Variants in GLI2 observed in about 807,000 individuals in gnomAD.
The protein encoded by GLI2 is transcription activator GLI2.
Under a neutral mutation model 78.9 loss-of-function variants are expected in GLI2, and 22 were observed. The ratio of observed to expected loss-of-function variants is 0.28; its 90% CI spans 0.20 to 0.40. The LOEUF is 0.40. Ranked by LOEUF, GLI2 falls within the 10% of genes least tolerant of loss-of-function variation. The probability of loss-of-function intolerance (pLI) is 1.00; values close to 1 mark genes in which losing one functional copy is unlikely to be tolerated. For missense variants in GLI2, 2,097 were observed against 2,213.2 expected, an observed-to-expected ratio of 0.95 and a Z score of 1.05; for synonymous variants, 974 against 963.7, an observed-to-expected ratio of 1.01 and a Z score of -0.20.
chr2:120,989,237 G>A lies in GLI2; in HGVS notation c.3272G>A (p.Arg1091His). ...CCCAGCCCGGGGCTGCACGGCCAGC[G>A]CAGGATGGTGGCTGCGGACTCCAAC... ...RLPSPGLHGQRRMVAADSNVG... is the reference protein window; with the variant it reads ...RLPSPGLHGQHRMVAADSNVG... Residue 1091 changes from arginine (R) to histidine (H), a missense_variant, in exon 14 of 14, where the codon CGC becomes CAC. Around this residue, in one of 5 missense-constraint regions of GLI2, gnomAD observed 1,290 missense variants for 1,261.7 expected, o/e 1.02. Transcript: ENST00000361492. The A allele has an allele frequency of 6.2e-7, 1 of 1,613,162 alleles. No homozygotes were observed. Among genetic ancestry groups the A allele is most frequent in the Non-Finnish European group, 8.5e-7 (1 of 1,180,030 alleles).
rs144722106 is a variant in GLI2 at position 120,957,946 on chromosome 2, T to A, written c.643+2516T>A. On this transcript the variant is annotated intron_variant, in intron 5 of 13. Coordinates refer to ENST00000361492, the MANE Select transcript of GLI2 (RefSeq NM_001374353.1). ...CAGCACCATCTGCCCTTCCCTGGGC[T>A]GCAGTTTTCAGCAGCACATGCACCT... 2.6e-5 allele frequency among the ~76,000 whole-genome samples: 4 copies of A among 152,342 alleles called. No individual in the cohort carries two copies. The East Asian group carries it at 7.7e-4, about 29-fold the overall frequency.
intron 1 of GLI2, among the ~76,000 whole-genome samples, chr2:120,741,328 T>C (rs906905535): frequency 2.6e-5 from 4 of 152,114 alleles, no homozygotes; most frequent in African/African-American, 9.7e-5. Context: ...ACCTCTATTG[T>C]ACACATGTCC....
chr2:120,960,324 T>C (rs1259560983), intron 5 of GLI2, among the ~76,000 whole-genome samples: 1 of 152,050 alleles, frequency 6.6e-6, no homozygotes, highest in Non-Finnish European at 1.5e-5. Context: ...GAGAGAACTT[T>C]CCAGAGGTTT....
At position 120,845,678 on chromosome 2, in the gene GLI2, C is replaced by T. The variant is rs149767630; in HGVS notation, c.148+48210C>T. ...TGGCTCATTCTACCACTAATGAACTCGGGACACTGCCTGGACTCTTTCCTG... is the reference window on the plus strand; with the variant it reads ...TGGCTCATTCTACCACTAATGAACTTGGGACACTGCCTGGACTCTTTCCTG... On this transcript the variant is annotated intron_variant, in intron 2 of 13. Coordinates refer to ENST00000361492, the MANE Select transcript of GLI2 (RefSeq NM_001374353.1). 3.3e-3 allele frequency among the ~76,000 whole-genome samples: 495 copies of T among 152,292 alleles called. 2 individuals are homozygous for T. Among genetic ancestry groups the T allele is most frequent in the African/African-American group, 0.011 (462 of 41,546 alleles).
chr2:120,810,417 C>T (rs1325470986), intron 2 of GLI2, among the ~76,000 whole-genome samples: 2 of 152,202 alleles, frequency 1.3e-5, no homozygotes, highest in Non-Finnish European at 2.9e-5. Context: ...TCTGGCACAC[C>T]TGCCCACCTC....
rs780961532 is a variant in GLI2, at chr2:120,955,281, G to A, written c.494G>A (p.Gly165Asp). Residue 165 changes from glycine to aspartate, a missense_variant, in exon 5 of 14, where the codon GGC (glycine) becomes GAC (aspartate). Physicochemically the swap from Gly to Asp is moderately conservative, Grantham distance 94. Coordinates refer to ENST00000361492, the MANE Select transcript of GLI2 (RefSeq NM_001374353.1). ...CACCTTAAGGAGAGGGGACTGTTTGGCCTTCCTGCTCCAGGCACCACCCCC... is the reference window on the plus strand; with the variant it reads ...CACCTTAAGGAGAGGGGACTGTTTGACCTTCCTGCTCCAGGCACCACCCCC... ...QEHLKERGLF[G>D]LPAPGTTPSD... The A allele has an allele frequency of 6.2e-7, 1 of 1,609,604 alleles. No individual in the cohort carries two copies.
At chr2:120,804,326 A>C (rs1024268599) in intron 2 of GLI2, among the ~76,000 whole-genome samples, 20 of 152,010 alleles carry the variant, frequency 1.3e-4, no homozygotes, top group African/African-American at 4.8e-4. Context: ...TGGGCAGGGC[A>C]TTGCTTGTTC....
intron 2 of GLI2, among the ~76,000 whole-genome samples, chr2:120,824,441 G>A (rs1202477855): frequency 6.6e-6 from 1 of 152,238 alleles, no homozygotes; most frequent in African/African-American, 2.4e-5. Context: ...ACCCCGGGAA[G>A]CTGCTGATCC....
rs116523674 is a variant in GLI2, at chr2:120,975,134, C to T, written c.1317+25C>T. 42,351 of 1,611,900 alleles carry T rather than the reference C, an allele frequency of 0.026. 661 individuals are homozygous for T. The highest frequency in any genetic ancestry group is 0.044 in the African/African-American group (3,308 of 75,026). Reference sequence around the variant, plus strand: ...TGTAAGCTTTTGAACCCCAGCAGCCCGCCAACCGGGGCACGGCCCAGGCCA... The same window carrying T: ...TGTAAGCTTTTGAACCCCAGCAGCCTGCCAACCGGGGCACGGCCCAGGCCA... On this transcript the variant is annotated intron_variant, in intron 9 of 13. Coordinates refer to ENST00000361492, the MANE Select transcript of GLI2 (RefSeq NM_001374353.1).
intron 1 of GLI2, among the ~76,000 whole-genome samples, chr2:120,786,178 C>T (rs1196374171): frequency 3.3e-5 from 5 of 152,250 alleles, no homozygotes; most frequent in Admixed American, 6.5e-5. Flanking sequence ...CAGAGCCCAT[C>T]GCCAGGTTCT....
intron 2 of GLI2, among the ~76,000 whole-genome samples, chr2:120,798,792 T>C (rs1684542777): frequency 6.6e-6 from 1 of 152,106 alleles, no homozygotes; most frequent in African/African-American, 2.4e-5. Context: ...GCGGCCCTGG[T>C]CCTGGGGCCA....
At chr2:120,880,743 T>C (rs1372072783) in intron 2 of GLI2, among the ~76,000 whole-genome samples, 1 of 152,232 alleles carries the variant, frequency 6.6e-6, no homozygotes, top group African/African-American at 2.4e-5. Context: ...ACCTCCTGGC[T>C]AAAGTATGTC....
intron 1 of GLI2, among the ~76,000 whole-genome samples, chr2:120,748,723 G>A (rs143540633): frequency 2.7e-3 from 414 of 152,282 alleles, no homozygotes; most frequent in African/African-American, 9.6e-3. Context: ...CATTCTCCCC[G>A]TCTTGGGTTT....
chr2:120,831,669 G>A (rs558019410), intron 2 of GLI2, among the ~76,000 whole-genome samples: 2 of 152,262 alleles, frequency 1.3e-5, no homozygotes, highest in African/African-American at 2.4e-5. Flanking sequence ...CACAGCCCCC[G>A]GTGGTGCAGG....
chr2:120,943,983 C>G (rs2104926757), intron 3 of GLI2, among the ~76,000 whole-genome samples: 1 of 152,304 alleles, frequency 6.6e-6, no homozygotes, highest in South Asian at 2.1e-4. Context: ...AGATGCCCTC[C>G]TTTCTCCTCC....
intron 4 of GLI2, among the ~76,000 whole-genome samples, chr2:120,952,928 A>G (rs1180793403): frequency 2.0e-5 from 3 of 152,234 alleles, no homozygotes; most frequent in Non-Finnish European, 4.4e-5. Context: ...CCTGGCTCAC[A>G]CTAACACTGT....
intron 2 of GLI2, among the ~76,000 whole-genome samples, chr2:120,842,616 G>C (rs933632636): frequency 6.6e-6 from 1 of 152,230 alleles, no homozygotes; most frequent in Non-Finnish European, 1.5e-5. Flanking sequence ...GGAGCTCCTG[G>C]CATGCCGATG....
At position 120,988,233 on chromosome 2, in the gene GLI2, C is replaced by G. The variant is rs1345387311; in HGVS notation, c.2268C>G (p.Gly756=). The G allele has an allele frequency of 1.3e-6, 2 of 1,588,790 alleles. No individual in the cohort carries two copies. The highest frequency in any genetic ancestry group is 1.7e-5 in the Admixed American group (1 of 57,914). Residue 756 remains glycine, a synonymous_variant, in exon 14 of 14, where the codon GGC becomes GGG. Transcript: ENST00000361492. ...GSGSILENFS[G]SGGGGPAGLL... is the part of the protein sequence containing the mutation. ...GCTCCATCCTGGAAAACTTCAGTGG[C>G]AGTGGGGGCGGCGGGCCCGCGGGGC...
intron 2 of GLI2, among the ~76,000 whole-genome samples, chr2:120,901,630 T>C (rs1377159964): frequency 6.6e-6 from 1 of 152,240 alleles, no homozygotes; most frequent in Admixed American, 6.5e-5. Flanking sequence ...ATCCTGTTTC[T>C]TATTATTTGT....
Sources: gnomAD v4.1 joint callset for allele counts (sites outside exome capture counted in the v4.1 genomes callset) on GRCh38, gnomAD v4.1.1 for gene constraint, gnomAD v4.1.1 regional missense constraint, MANE v1.5 for transcripts, NCBI Gene and HGNC (gene_info 2026-07-23, HGNC 2026-07-21) for gene names.